GABRG1: variants seen among roughly 807,000 people sequenced by gnomAD.
The protein encoded by GABRG1 is gamma-aminobutyric acid type A receptor subunit gamma1.
A neutral mutation model predicts 49.8 loss-of-function variants in GABRG1; 49 were observed. The observed-to-expected ratio is 0.98, with a 90% CI of 0.78 to 1.25. GABRG1 has a LOEUF of 1.25. Ranked by LOEUF, GABRG1 falls within the 50% of genes most tolerant of loss-of-function variation. GABRG1 has a pLI of 0.00. For synonymous variants in GABRG1, 232 were observed against 185.1 expected, an observed-to-expected ratio of 1.25 and a Z score of -2.06; for missense variants, 552 against 552.3, an observed-to-expected ratio of 1.00 and a Z score of 0.01.
chr4:46,110,961 C>T lies in GABRG1; in HGVS notation c.104+12849G>A, dbSNP rs1720693231. On this transcript the variant is annotated intron_variant, in intron 1 of 8. Coordinates refer to ENST00000295452, the MANE Select transcript of GABRG1 (RefSeq NM_173536.4). The stretch of plus-strand genomic sequence containing the variant: ...AACAGGACAAGGATGGCCACTCCTA[C>T]CACTCCTATTCAACGTAAGACTAGA... 3.3e-5 allele frequency among the ~76,000 whole-genome samples: 5 copies of T among 151,092 alleles called. No homozygotes were observed. In the South Asian group the frequency reaches 1.0e-3, roughly 31 times the overall value.
chr4:46,113,455 T>G lies in GABRG1; in HGVS notation c.104+10355A>C, dbSNP rs139731102. Among the ~76,000 whole-genome samples the G allele has an allele frequency of 1.7e-3, 264 of 151,014 alleles. 2 individuals are homozygous for G. The East Asian group carries it at 0.045, about 26-fold the overall frequency. On this transcript the variant is annotated intron_variant, in intron 1 of 8. Coordinates refer to ENST00000295452, the MANE Select transcript of GABRG1 (RefSeq NM_173536.4). Reference sequence around the variant, plus strand: ...ATGATTCAATTACATTCACCTGGTCTCTCTCTTGACACTTGGGGATTATGG... The same window carrying G: ...ATGATTCAATTACATTCACCTGGTCGCTCTCTTGACACTTGGGGATTATGG...
At chr4:46,064,164 T>A (rs1469995279) in intron 5 of GABRG1, among the ~76,000 whole-genome samples, 1 of 152,104 alleles carries the variant, frequency 6.6e-6, no homozygotes, top group Admixed American at 6.6e-5. Flanking sequence ...CTATTTTCAA[T>A]ACTCCTTTAT....
chr4:46,097,391 T>C (rs1720214750), intron 1 of GABRG1, 42 bp from the exon 2 acceptor site: 2 of 1,556,322 alleles, frequency 1.3e-6, no homozygotes, highest in South Asian at 1.2e-5. Context: ...GAAGGTTCAA[T>C]CAAATCATGT....
chr4:46,048,423 G>GAAGA (rs1185386475), intron 8 of GABRG1, among the ~76,000 whole-genome samples: 1 of 135,170 alleles, frequency 7.4e-6, no homozygotes, highest in East Asian at 2.4e-4. Context: ...AGGAAGGAAG[G>GAAGA]TTCTTCCAAG....
At chr4:46,088,576 T>A (rs1719865162) in intron 2 of GABRG1, among the ~76,000 whole-genome samples, 1 of 151,998 alleles carries the variant, frequency 6.6e-6, no homozygotes, top group South Asian at 2.1e-4. Context: ...CTTTCCAATA[T>A]GCAGTCATTC....
At chr4:46,076,373 A>G (rs1259796955) in intron 3 of GABRG1, among the ~76,000 whole-genome samples, 2 of 128,792 alleles carry the variant, frequency 1.6e-5, no homozygotes, top group Admixed American at 7.7e-5. Flanking sequence ...ATATATATAT[A>G]TATATATATA....
intron 3 of GABRG1, among the ~76,000 whole-genome samples, chr4:46,080,603 T>C (rs1454374354): frequency 6.6e-6 from 1 of 151,832 alleles, no homozygotes; most frequent in Non-Finnish European, 1.5e-5. Context: ...AAATCTTTAA[T>C]ACCATTAATC....
chr4:46,062,122 C>T (rs1465254511), intron 5 of GABRG1, among the ~76,000 whole-genome samples: 2 of 146,496 alleles, frequency 1.4e-5, no homozygotes, highest in Non-Finnish European at 3.0e-5. Context: ...TGAGAACATG[C>T]GGTGTTTGGT....
At chr4:46,119,739 T>A (rs781464827) in intron 1 of GABRG1, among the ~76,000 whole-genome samples, 6 of 151,554 alleles carry the variant, frequency 4.0e-5, no homozygotes, top group Non-Finnish European at 7.4e-5. Context: ...TCTAGAGGTG[T>A]ATTTTTAATT....
rs1719854933 is a variant in GABRG1 at position 46,088,263 on chromosome 4, T to C, written c.254-4210A>G. Among the ~76,000 whole-genome samples, 12 of 152,210 alleles carry C rather than the reference T, an allele frequency of 7.9e-5. No individual in the cohort carries two copies. In the South Asian group the frequency reaches 2.5e-3, roughly 32 times the overall value. ...GCTTGAACTTCATAAAACAGTCATA[T>C]GTAATGAAAAATTGTCCCACATTTA... On this transcript the variant is annotated intron_variant, in intron 2 of 8. Coordinates refer to ENST00000295452, the MANE Select transcript of GABRG1 (RefSeq NM_173536.4).
intron 7 of GABRG1, among the ~76,000 whole-genome samples, chr4:46,052,082 T>C (rs1718246417): frequency 6.6e-6 from 1 of 151,838 alleles, no homozygotes; most frequent in African/African-American, 2.4e-5. Context: ...TCCTTCTCAT[T>C]GCCTTCTGCT....
Position 46,118,132 on chromosome 4 carries a change from G to GTGTATATATATATATATATA in GABRG1, c.104+5677_104+5678insTATATATATATATATATACA, listed in dbSNP as rs377481920. On this transcript the variant is annotated intron_variant, in intron 1 of 8. Coordinates refer to ENST00000295452, the MANE Select transcript of GABRG1 (RefSeq NM_173536.4). ...TATATACATATATACGTGTGTGTGTGTATATATATATATACAGCTACAGTA... is the reference window on the plus strand; with the variant it reads ...TATATACATATATACGTGTGTGTGTGTGTATATATATATATATATATATATATATATATACAGCTACAGTA... Among the ~76,000 whole-genome samples, 41 of 109,966 alleles carry GTGTATATATATATATATATA rather than the reference G, an allele frequency of 3.7e-4. 3 individuals are homozygous for GTGTATATATATATATATATA. Among genetic ancestry groups the GTGTATATATATATATATATA allele is most frequent in the African/African-American group, 2.2e-3 (39 of 17,896 alleles). The allele number at this position is 109,966 out of a possible 152,430, so 72.1% of individuals were successfully genotyped here.
intron 2 of GABRG1, among the ~76,000 whole-genome samples, chr4:46,084,762 T>C (rs1719693056): frequency 6.6e-6 from 1 of 151,646 alleles, no homozygotes; most frequent in South Asian, 2.1e-4. Context: ...TACTTGAAAA[T>C]GCAATTCCAT....
intron 1 of GABRG1, among the ~76,000 whole-genome samples, chr4:46,107,427 A>T (rs1221770133): frequency 6.6e-6 from 1 of 151,130 alleles, no homozygotes; most frequent in African/African-American, 2.4e-5. Flanking sequence ...TAAATTCTAC[A>T]CACACAAATG....
At chr4:46,121,966 C>A (rs7676267) in intron 1 of GABRG1, among the ~76,000 whole-genome samples, 3,828 of 152,074 alleles carry the variant, frequency 0.025, 72 homozygotes, top group Middle Eastern at 0.054. Context: ...AGTGAAGCAA[C>A]CATTGACTTA....
chr4:46,067,606 TA>T (rs1718967050), intron 3 of GABRG1, among the ~76,000 whole-genome samples: 2 of 152,206 alleles, frequency 1.3e-5, no homozygotes, highest in Non-Finnish European at 1.5e-5. Context: ...GGGAGATAAT[TA>T]AAATTTTATT....
chr4:46,081,893 A>G (rs1034322276), intron 3 of GABRG1, among the ~76,000 whole-genome samples: 3 of 151,890 alleles, frequency 2.0e-5, no homozygotes, highest in African/African-American at 7.2e-5. Flanking sequence ...ATGTAAGGAC[A>G]CAGTGAGAAA....
intron 1 of GABRG1, among the ~76,000 whole-genome samples, chr4:46,108,625 AT>A (rs576655518): frequency 2.4e-4 from 36 of 148,230 alleles, no homozygotes; most frequent in African/African-American, 5.6e-4. Context: ...TGAGCGTGGG[AT>A]TTTTTTTTTG....
At chr4:46,086,804 C>A (rs1719774658) in intron 2 of GABRG1, among the ~76,000 whole-genome samples, 1 of 151,678 alleles carries the variant, frequency 6.6e-6, no homozygotes, top group Non-Finnish European at 1.5e-5. Flanking sequence ...CTTTTGGACT[C>A]TCTTCTGGTC....
Sources: gnomAD v4.1 joint callset for allele counts (sites outside exome capture counted in the v4.1 genomes callset) on GRCh38, gnomAD v4.1.1 for gene constraint, MANE v1.5 for transcripts, NCBI Gene and HGNC (gene_info 2026-07-23, HGNC 2026-07-21) for gene names.